WRNIP1: variants seen among roughly 807,000 people sequenced by gnomAD.
WRNIP1 encodes the protein ATPase WRNIP1.
A neutral mutation model predicts 56.1 loss-of-function variants in WRNIP1; 41 were observed. That is an observed-to-expected ratio of 0.73 (90% CI 0.57 to 0.95). WRNIP1 has a LOEUF of 0.95. Among genes scored for constraint, WRNIP1 ranks in the 40% least tolerant of loss-of-function variants. The probability of loss-of-function intolerance (pLI) is 0.00; values close to 1 mark genes in which losing one functional copy is unlikely to be tolerated. For missense variants in WRNIP1, 1,170 were observed against 939.4 expected, an observed-to-expected ratio of 1.25 and a Z score of -3.21; for synonymous variants, 547 against 398.1, an observed-to-expected ratio of 1.37 and a Z score of -4.45.
chr6:2,783,602 G>T (rs773193782), intron 5 of WRNIP1, 41 bp downstream of exon 5: 2 of 1,366,668 alleles, frequency 1.5e-6, no homozygotes, highest in South Asian at 3.6e-5. Flanking sequence ...ATGTCCATGA[G>T]GGTGGGGAAA....
chr6:2,777,737 C>T (rs1765466512), intron 3 of WRNIP1, among the ~76,000 whole-genome samples: 1 of 152,194 alleles, frequency 6.6e-6, no homozygotes, highest in African/African-American at 2.4e-5. Flanking sequence ...TAACTAATTT[C>T]TGGTTGAGCA....
intron 4 of WRNIP1, among the ~76,000 whole-genome samples, chr6:2,782,761 TAA>T (rs1353366486): frequency 6.6e-6 from 1 of 151,964 alleles, no homozygotes; most frequent in Non-Finnish European, 1.5e-5. Flanking sequence ...GAATCTAGGG[TAA>T]AAATGGAGTA....
intron 3 of WRNIP1, chr6:2,773,959 T>A (rs1405458324): frequency 1.0e-6 from 1 of 985,116 alleles, no homozygotes; most frequent in East Asian, 1.1e-4. Context: ...TCTCTAATCA[T>A]CTGGAGAGGA....
intron 3 of WRNIP1, among the ~76,000 whole-genome samples, chr6:2,776,200 T>C (rs1765426998): frequency 6.6e-6 from 1 of 152,230 alleles, no homozygotes; most frequent in African/African-American, 2.4e-5. Flanking sequence ...TTAGTATATC[T>C]TACTTCGTTC....
intron 3 of WRNIP1, chr6:2,773,456 T>A (rs1023268792): frequency 1.0e-6 from 1 of 985,282 alleles, no homozygotes; most frequent in African/African-American, 1.7e-5. Context: ...TAAGCAGAAT[T>A]TAACTGAGTG....
intron 3 of WRNIP1, among the ~76,000 whole-genome samples, chr6:2,772,555 A>T (rs1274243986): frequency 6.6e-6 from 1 of 152,202 alleles, no homozygotes; most frequent in Non-Finnish European, 1.5e-5. Context: ...AGGGATAATT[A>T]CCCAGGTATC....
At chr6:2,774,065 TAGAA>T in intron 3 of WRNIP1, 1 of 985,374 alleles carries the variant, frequency 1.0e-6, no homozygotes, top group Non-Finnish European at 1.2e-6. Flanking sequence ...TGCCATTGAA[TAGAA>T]AGAAAGGTAG....
chr6:2,783,567 TG>T lies in WRNIP1; in HGVS notation c.1642+7del. ...GTTTGCCAGCGAGGACATAGGTGAG[TG>T]TGATGGGAGGGTCCCGGAGTCCTAT... On this transcript the variant is annotated splice_region_variant and intron_variant, in intron 5 of 6. Coordinates refer to ENST00000380773, the MANE Select transcript of WRNIP1 (RefSeq NM_020135.3). 3 of 1,578,728 alleles carry T rather than the reference TG, an allele frequency of 1.9e-6. No individual in the cohort carries two copies. The East Asian group carries it at 7.0e-5, about 37-fold the overall frequency.
rs116727479 is a variant in WRNIP1 at position 2,783,604 on chromosome 6, G to T, written c.1642+43G>T. 3,752 of 1,298,108 alleles carry T rather than the reference G, an allele frequency of 2.9e-3. 97 individuals carry two copies. In the African/African-American group the frequency reaches 0.054, roughly 19 times the overall value. The allele number at this position is 1,298,108 out of a possible 1,614,324, so 80.4% of individuals were successfully genotyped here. On this transcript the variant is annotated intron_variant, in intron 5 of 6. Coordinates refer to ENST00000380773, the MANE Select transcript of WRNIP1 (RefSeq NM_020135.3). ...GTCCCGGAGTCCTATGTCCATGAGGGTGGGGAAATGGCTAACAGTTACATC... is the reference window on the plus strand; with the variant it reads ...GTCCCGGAGTCCTATGTCCATGAGGTTGGGGAAATGGCTAACAGTTACATC...
chr6:2,769,632 A>G (rs965399503), intron 2 of WRNIP1, among the ~76,000 whole-genome samples: 8 of 152,154 alleles, frequency 5.3e-5, no homozygotes, highest in African/African-American at 1.9e-4. Context: ...TAGGTTTCAT[A>G]TTGGACCACT....
intron 6 of WRNIP1, 98 bp from the exon 7 acceptor site, chr6:2,784,909 T>C (rs1236760105): frequency 2.8e-6 from 4 of 1,439,664 alleles, no homozygotes; most frequent in Non-Finnish European, 2.8e-6. Context: ...CATGTGGGGA[T>C]CTTCTCAGAA....
chr6:2,786,908 T>C lies in WRNIP1; in HGVS notation c.*1626T>C, dbSNP rs1363669828. ...TTCTTTTTTTATTCAATAAATTTATTTATTTATGAGACCAACTCTTGCTCT... is the reference window on the plus strand; with the variant it reads ...TTCTTTTTTTATTCAATAAATTTATCTATTTATGAGACCAACTCTTGCTCT... On this transcript the variant is annotated 3_prime_UTR_variant, in exon 7 of 7. Transcript: ENST00000380773. 1 of 152,174 alleles carries C rather than the reference T, an allele frequency of 6.6e-6. No homozygotes were observed. Among genetic ancestry groups the C allele is most frequent in the Non-Finnish European group, 1.5e-5 (1 of 68,042 alleles). 9.4% of individuals were successfully genotyped at this position (152,174 alleles called of 1,614,324 possible).
In WRNIP1 at chr6:2,765,870, C is replaced by A; in HGVS notation, c.248C>A (p.Pro83Gln). ...RLSESSALKQ[P>Q]ATPTAAESSE... ...TCGGAGAGCTCGGCGCTGAAGCAGC[C>A]AGCCACCCCGACGGCAGCCGAGAGC... The change falls in exon 1 of 7, where the codon CCA becomes CAA. Residue 83 changes from proline to glutamine, a missense_variant. Physicochemically the swap from Pro to Gln is moderately conservative, Grantham distance 76. Transcript: ENST00000380773. The A allele has an allele frequency of 6.9e-7, 1 of 1,445,286 alleles. No homozygotes were observed. Among genetic ancestry groups the A allele is most frequent in the Non-Finnish European group, 9.1e-7 (1 of 1,100,510 alleles). The allele number at this position is 1,445,286 out of a possible 1,614,324, so 89.5% of individuals were successfully genotyped here.
chr6:2,784,634 C>T (rs527615392), intron 6 of WRNIP1, among the ~76,000 whole-genome samples: 59 of 152,266 alleles, frequency 3.9e-4, no homozygotes, highest in African/African-American at 1.4e-3. Flanking sequence ...GTTCAGAGCA[C>T]ATGCTCCATA....
chr6:2,771,738 C>T (rs563728411), intron 3 of WRNIP1, among the ~76,000 whole-genome samples: 2 of 152,080 alleles, frequency 1.3e-5, no homozygotes, highest in Non-Finnish European at 2.9e-5. Flanking sequence ...ACTTCTGGTC[C>T]CAGGCACTTC....
chr6:2,765,756 C>T lies in WRNIP1; in HGVS notation c.134C>T (p.Ala45Val). The change falls in exon 1 of 7, where the codon GCG becomes GTG. Residue 45 changes from alanine (A) to valine (V), a missense_variant. Coordinates refer to ENST00000380773, the MANE Select transcript of WRNIP1 (RefSeq NM_020135.3). The stretch of plus-strand genomic sequence containing the variant: ...GACCGCTGTCTGCTGCTCCACCCGG[C>T]GGGGCACGCGGAGCCCGCGGCCGGG... The part of the protein sequence containing the change: ...HLDRCLLLHP[A>V]GHAEPAAGSH... 6.7e-7 allele frequency: 1 copy of T among 1,487,974 alleles called. No individual in the cohort carries two copies. The highest frequency in any genetic ancestry group is 8.9e-7 in the Non-Finnish European group (1 of 1,124,342). The allele number at this position is 1,487,974 out of a possible 1,614,324, so 92.2% of individuals were successfully genotyped here.
At position 2,765,406 on chromosome 6, in the gene WRNIP1, C is replaced by A; in HGVS notation, c.-217C>A. On this transcript the variant is annotated 5_prime_UTR_variant, in exon 1 of 7. Coordinates refer to ENST00000380773, the MANE Select transcript of WRNIP1 (RefSeq NM_020135.3). ...CGGCCACGAACTACACTTCCCGACA[C>A]GCCGCGTGAGGCGCTGCCAGCGGCC... is the stretch of plus-strand genomic sequence containing the variant. 2.3e-6 allele frequency: 1 copy of A among 432,788 alleles called. No individual in the cohort carries two copies. The highest frequency in any genetic ancestry group is 3.6e-6 in the Non-Finnish European group (1 of 277,154). The allele number at this position is 432,788 out of a possible 1,614,324, so 26.8% of individuals were successfully genotyped here. A position where few individuals can be genotyped will look rare whatever the true frequency, so the allele number is the denominator to read the frequency against.
At chr6:2,769,097 G>C (rs1336550257) in intron 2 of WRNIP1, among the ~76,000 whole-genome samples, 1 of 152,086 alleles carries the variant, frequency 6.6e-6, no homozygotes, top group African/African-American at 2.4e-5. Context: ...GAAATGGTTG[G>C]CATATCCCTG....
At chr6:2,770,670 T>C (rs755383003) in intron 3 of WRNIP1, among the ~76,000 whole-genome samples, 6 of 152,216 alleles carry the variant, frequency 3.9e-5, no homozygotes, top group Admixed American at 6.5e-5. Flanking sequence ...GGAAGCCTTA[T>C]TGATGATTTG....
Sources: gnomAD v4.1 joint callset for allele counts (sites outside exome capture counted in the v4.1 genomes callset) on GRCh38, gnomAD v4.1.1 for gene constraint, MANE v1.5 for transcripts, NCBI Gene and HGNC (gene_info 2026-07-23, HGNC 2026-07-21) for gene names.